Variants in BMPR1B observed in about 807,000 individuals in gnomAD.
The protein encoded by BMPR1B is bone morphogenetic protein receptor type-1B.
In BMPR1B, 12 loss-of-function variants were observed where a neutral mutation model predicts 59.1. The ratio of observed to expected loss-of-function variants is 0.20; its 90% CI spans 0.13 to 0.33. BMPR1B has a LOEUF of 0.33. BMPR1B is among the 10% of genes least tolerant of loss of function. The probability of loss-of-function intolerance (pLI) is 1.00; values close to 1 mark genes in which losing one functional copy is unlikely to be tolerated. For synonymous variants in BMPR1B, 237 were observed against 207.3 expected, an observed-to-expected ratio of 1.14 and a Z score of -1.23; for missense variants, 550 against 610.9, an observed-to-expected ratio of 0.90 and a Z score of 1.05.
intron 3 of BMPR1B, among the ~76,000 whole-genome samples, chr4:95,067,311 A>G (rs1022048034): frequency 2.6e-5 from 4 of 152,162 alleles, no homozygotes; most frequent in African/African-American, 9.7e-5. Context: ...TTTTTTCCCA[A>G]GTATGTTTTG....
intron 2 of BMPR1B, among the ~76,000 whole-genome samples, chr4:94,903,526 T>A (rs540312022): frequency 5.3e-4 from 79 of 148,506 alleles, no homozygotes; most frequent in South Asian, 4.6e-3. Flanking sequence ...TTTTTTTTTT[T>A]TAAAAAGACA....
chr4:95,061,119 C>G (rs1412216091), intron 3 of BMPR1B, among the ~76,000 whole-genome samples: 1 of 149,984 alleles, frequency 6.7e-6, no homozygotes, highest in Non-Finnish European at 1.5e-5. Context: ...TTTCAGAGAG[C>G]TCCTGTGTTC....
chr4:94,896,950 G>A (rs1241432146), intron 2 of BMPR1B, among the ~76,000 whole-genome samples: 1 of 152,016 alleles, frequency 6.6e-6, no homozygotes, highest in East Asian at 1.9e-4. Flanking sequence ...TGTTTAGTAG[G>A]CAACATTTAT....
At position 94,911,444 on chromosome 4, in the gene BMPR1B, A is replaced by G. The variant is rs761087794; in HGVS notation, c.-113+35544A>G. On this transcript the variant is annotated intron_variant, in intron 2 of 12. Coordinates refer to ENST00000515059, the MANE Select transcript of BMPR1B (RefSeq NM_001203.3). ...AGCCAGCGAGATCTTCTCAGATACC[A>G]TGGCTTCACAAGATACAGTGTATTT... 4.5e-4 allele frequency among the ~76,000 whole-genome samples: 69 copies of G among 152,200 alleles called. 2 individuals are homozygous for G. The Middle Eastern group carries it at 0.027, about 60-fold the overall frequency.
chr4:95,000,016 T>C (rs2149107883), intron 3 of BMPR1B, among the ~76,000 whole-genome samples: 1 of 152,342 alleles, frequency 6.6e-6, no homozygotes, highest in African/African-American at 2.4e-5. Flanking sequence ...TTGCCTTTAA[T>C]TGTATTTTAT....
chr4:95,088,052 C>T (rs1011268733), intron 3 of BMPR1B, among the ~76,000 whole-genome samples: 3 of 152,126 alleles, frequency 2.0e-5, no homozygotes, highest in African/African-American at 7.2e-5. Context: ...TCTGTTTTAA[C>T]TTCCCTGATG....
At chr4:95,029,026 C>T (rs11939744) in intron 3 of BMPR1B, among the ~76,000 whole-genome samples, 15,531 of 151,634 alleles carry the variant, frequency 0.1, 1,936 homozygotes, top group African/African-American at 0.3. Context: ...ATCTGTGTCT[C>T]GCCACTAGCC....
chr4:94,918,896 C>T (rs1728585674), intron 2 of BMPR1B, among the ~76,000 whole-genome samples: 2 of 151,560 alleles, frequency 1.3e-5, no homozygotes, highest in Non-Finnish European at 2.9e-5. Context: ...TTCAGTGTTC[C>T]CTCCATTATT....
intron 3 of BMPR1B, among the ~76,000 whole-genome samples, chr4:95,033,807 G>A (rs1007191376): frequency 1.3e-5 from 2 of 152,128 alleles, no homozygotes; most frequent in African/African-American, 4.8e-5. Flanking sequence ...AGATAAAGAG[G>A]TAATTGTTAA....
intron 4 of BMPR1B, among the ~76,000 whole-genome samples, chr4:95,110,447 C>T (rs1237374903): frequency 6.6e-6 from 1 of 152,032 alleles, no homozygotes; most frequent in East Asian, 1.9e-4. Context: ...ATTGGTACTT[C>T]GTCGTTAATG....
intron 11 of BMPR1B, among the ~76,000 whole-genome samples, 165 bp from the exon 12 acceptor site, chr4:95,152,478 A>G (rs1394731874): frequency 1.3e-5 from 2 of 152,168 alleles, no homozygotes; most frequent in African/African-American, 2.4e-5. Context: ...AAATTAGATT[A>G]AGTACCATTT....
intron 11 of BMPR1B, among the ~76,000 whole-genome samples, chr4:95,150,885 T>A (rs1331688497): frequency 1.3e-5 from 2 of 152,180 alleles, no homozygotes; most frequent in Non-Finnish European, 2.9e-5. Flanking sequence ...GAGAATAATG[T>A]CATCTCAGAA....
intron 3 of BMPR1B, among the ~76,000 whole-genome samples, chr4:95,076,333 A>G (rs1728702866): frequency 6.6e-6 from 1 of 152,122 alleles, no homozygotes. Flanking sequence ...ATGTAAAACT[A>G]CTATGAAAAG....
Position 95,116,421 on chromosome 4 carries a change from G to GCGCGCGCACACA in BMPR1B, c.349+635_349+636insGCGCGCACACAC. On this transcript the variant is annotated intron_variant, in intron 6 of 12. Coordinates refer to ENST00000515059, the MANE Select transcript of BMPR1B (RefSeq NM_001203.3). The stretch of plus-strand genomic sequence containing the variant: ...CTCCTCCTCCATGCTTTCAGCGCGC[G>GCGCGCGCACACA]CACACACACACACACACACACACAC... 8.4e-4 allele frequency among the ~76,000 whole-genome samples: 103 copies of GCGCGCGCACACA among 123,242 alleles called. 4 individuals carry two copies. Among genetic ancestry groups the GCGCGCGCACACA allele is most frequent in the African/African-American group, 3.5e-3 (98 of 27,850 alleles). The allele number at this position is 123,242 out of a possible 152,430, so 80.9% of individuals were successfully genotyped here. A position where few individuals can be genotyped will look rare whatever the true frequency, so the allele number is the denominator to read the frequency against.
chr4:94,895,560 A>C (rs1268724338), intron 2 of BMPR1B, among the ~76,000 whole-genome samples: 1 of 151,886 alleles, frequency 6.6e-6, no homozygotes, highest in African/African-American at 2.4e-5. Flanking sequence ...ATGAAGAAAA[A>C]TTATTTTGAT....
At chr4:94,785,493 G>C (rs1722729489) in intron 1 of BMPR1B, among the ~76,000 whole-genome samples, 1 of 152,176 alleles carries the variant, frequency 6.6e-6, no homozygotes, top group Non-Finnish European at 1.5e-5. Context: ...TGAAAAGAAA[G>C]ACATGTAGCT....
intron 3 of BMPR1B, among the ~76,000 whole-genome samples, chr4:95,042,361 G>A (rs995652596): frequency 1.3e-5 from 2 of 152,134 alleles, no homozygotes; most frequent in African/African-American, 4.8e-5. Context: ...TGTAAGAGTC[G>A]CTGACACAGT....
At chr4:94,930,725 A>C (rs907800192) in intron 2 of BMPR1B, among the ~76,000 whole-genome samples, 22 of 152,142 alleles carry the variant, frequency 1.4e-4, no homozygotes, top group African/African-American at 5.1e-4. Context: ...GTGTGGAATG[A>C]GCTATTAAAA....
chr4:95,016,870 A>C (rs1357897719), intron 3 of BMPR1B, among the ~76,000 whole-genome samples: 2 of 152,232 alleles, frequency 1.3e-5, no homozygotes, highest in Non-Finnish European at 2.9e-5. Flanking sequence ...GTTTATACCA[A>C]GTAACTGTGG....
Sources: gnomAD v4.1 joint callset for allele counts (sites outside exome capture counted in the v4.1 genomes callset) on GRCh38, gnomAD v4.1.1 for gene constraint, MANE v1.5 for transcripts, NCBI Gene and HGNC (gene_info 2026-07-23, HGNC 2026-07-21) for gene names.